POLR2B: variants seen among roughly 807,000 people sequenced by gnomAD.
The protein encoded by POLR2B is RNA polymerase II subunit B.
POLR2B carries 57 observed loss-of-function variants against 144.6 expected under a neutral mutation model. That is an observed-to-expected ratio of 0.39 (90% CI 0.32 to 0.49). The LOEUF (loss-of-function observed/expected upper bound fraction) is 0.49, where lower values mean the gene tolerates loss of function less well. Among genes scored for constraint, POLR2B ranks in the 20% least tolerant of loss-of-function variants. POLR2B has a pLI of 0.83. For missense variants in POLR2B, 595 were observed against 1,467.4 expected (o/e 0.41, Z 9.71); for synonymous variants, 442 against 469.8 (o/e 0.94, Z 0.77).
Position 56,998,604 on chromosome 4 carries a change from C to T in POLR2B, c.736-1013C>T, listed in dbSNP as rs903372667. On this transcript the variant is annotated intron_variant, in intron 6 of 24. Transcript: ENST00000314595. ...AAATGCTGGGCTCAAGCAATCCTCC[C>T]GCCTTGGCCTCCCAAAGTGCCGGGA... Among the ~76,000 whole-genome samples the T allele has an allele frequency of 2.0e-5, 3 of 152,158 alleles. No homozygotes were observed. The East Asian group carries it at 5.8e-4, about 29-fold the overall frequency.
rs770895497 is a variant in POLR2B, at chr4:57,030,973, A to C, written c.3510A>C (p.Arg1170=). ...TTATGTCTATGAGTATTGCACCGCG[A>C]ATGATGAGTGTTTAGCTATTTTACA... The part of the protein sequence containing the change: ...QELMSMSIAP[R]MMSV Residue 1170 remains arginine, a synonymous_variant, in exon 25 of 25, where the codon CGA becomes CGC. Transcript: ENST00000314595. The C allele has an allele frequency of 6.3e-7, 1 of 1,587,706 alleles. No individual in the cohort carries two copies. Among genetic ancestry groups the C allele is most frequent in the East Asian group, 2.2e-5 (1 of 44,754 alleles).
intron 7 of POLR2B, among the ~76,000 whole-genome samples, chr4:57,003,902 T>C (rs1276007151): frequency 6.6e-6 from 1 of 151,812 alleles, no homozygotes; most frequent in Non-Finnish European, 1.5e-5. Context: ...TGGTGTTGTC[T>C]GTACTCCTCC....
chr4:57,010,343 T>C lies in POLR2B; in HGVS notation c.1405-18T>C, dbSNP rs556033124. ...CACAGAAATGTCCAGACTTTAAAGA[T>C]TGGCTATTTTTTTCTAGGTGTTAAA... On this transcript the variant is annotated intron_variant, in intron 10 of 24. Coordinates refer to ENST00000314595, the MANE Select transcript of POLR2B (RefSeq NM_000938.3). 2.5e-6 allele frequency: 4 copies of C among 1,611,480 alleles called. No individual in the cohort carries two copies. The highest frequency in any genetic ancestry group is 3.4e-5 in the Admixed American group (2 of 59,600).
At chr4:57,009,691 A>G (rs1363236436) in intron 10 of POLR2B, 1 of 152,158 alleles carries the variant, frequency 6.6e-6, no homozygotes, top group African/African-American at 2.4e-5. Context: ...TGATTTTGAG[A>G]TTTCCAGATT....
intron 23 of POLR2B, among the ~76,000 whole-genome samples, 188 bp downstream of exon 23, chr4:57,025,725 G>A (rs1007541327): frequency 1.3e-5 from 2 of 152,048 alleles, no homozygotes; most frequent in Admixed American, 1.3e-4. Context: ...TTATCATCAT[G>A]TTTTAAAGGC....
chr4:57,004,814 C>T (rs1169653838), intron 7 of POLR2B, among the ~76,000 whole-genome samples: 5 of 152,064 alleles, frequency 3.3e-5, no homozygotes, highest in South Asian at 2.1e-4. Context: ...CCTCCCAAGT[C>T]GCTGGGACTA....
chr4:56,982,284 G>T (rs1722179395), intron 1 of POLR2B, among the ~76,000 whole-genome samples: 1 of 151,642 alleles, frequency 6.6e-6, no homozygotes. Flanking sequence ...GGGCACATTT[G>T]GCCCTCTGTA....
chr4:57,025,576 T>C, intron 23 of POLR2B, 39 bp downstream of exon 23: 1 of 1,390,194 alleles, frequency 7.2e-7, no homozygotes. Flanking sequence ...TAATTAACCT[T>C]ATATTATGAA....
intron 1 of POLR2B, among the ~76,000 whole-genome samples, chr4:56,983,888 A>G (rs1489365060): frequency 6.8e-6 from 1 of 146,812 alleles, no homozygotes; most frequent in Non-Finnish European, 1.5e-5. Context: ...TTTTTTTTAG[A>G]CAGGGTCGCA....
intron 17 of POLR2B, among the ~76,000 whole-genome samples, chr4:57,021,885 G>A (rs1294874385): frequency 6.6e-6 from 1 of 152,126 alleles, no homozygotes; most frequent in Admixed American, 6.6e-5. Flanking sequence ...TCTTAAATGT[G>A]TCGGAGGTTG....
chr4:57,028,142 A>C (rs1291733150), intron 23 of POLR2B, among the ~76,000 whole-genome samples: 1 of 152,226 alleles, frequency 6.6e-6, no homozygotes, highest in Admixed American at 6.5e-5. Context: ...GGGTGTTAAC[A>C]TGTTGATGAG....
chr4:56,995,533 T>G, intron 6 of POLR2B, 124 bp downstream of exon 6: 1 of 588,816 alleles, frequency 1.7e-6, no homozygotes, highest in South Asian at 4.2e-5. Context: ...ATCGTATTGT[T>G]TACCTATCGC....
At chr4:56,992,492 A>AAAAAAAAAAAAAAAAAG (rs760090936) in intron 3 of POLR2B, among the ~76,000 whole-genome samples, 1 of 88,482 alleles carries the variant, frequency 1.1e-5, no homozygotes, top group African/African-American at 4.6e-5. Context: ...AAAAAAAAAA[A>AAAAAAAAAAAAAAAAAG]GAAAAGAAAA....
At chr4:56,994,084 T>C (rs1722604738) in intron 3 of POLR2B, among the ~76,000 whole-genome samples, 1 of 152,218 alleles carries the variant, frequency 6.6e-6, no homozygotes, top group Non-Finnish European at 1.5e-5. Context: ...GATCCTTCTG[T>C]AGTTGATAAG....
At chr4:57,005,201 A>G (rs1722978446) in intron 7 of POLR2B, 45 bp from the exon 8 acceptor site, 2 of 1,163,224 alleles carry the variant, frequency 1.7e-6, no homozygotes, top group Non-Finnish European at 2.3e-6. Flanking sequence ...ATTTTAAGGT[A>G]GCAACATGAA....
chr4:57,002,678 A>T (rs2109677059), intron 7 of POLR2B: 1 of 152,208 alleles, frequency 6.6e-6, no homozygotes, highest in East Asian at 1.9e-4. Flanking sequence ...TTTGATGTTT[A>T]AACTTGTGGA....
intron 1 of POLR2B, among the ~76,000 whole-genome samples, chr4:56,982,034 T>G (rs1474859549): frequency 6.6e-6 from 1 of 152,234 alleles, no homozygotes; most frequent in African/African-American, 2.4e-5. Context: ...TTTTCTTTCC[T>G]GTTCACATTC....
intron 6 of POLR2B, among the ~76,000 whole-genome samples, chr4:56,996,577 C>T (rs1029044338): frequency 1.3e-5 from 2 of 151,850 alleles, no homozygotes; most frequent in South Asian, 2.1e-4. Flanking sequence ...AGCCACTGTG[C>T]CCGGCCTTCA....
chr4:57,006,225 C>G (rs1480481702), intron 9 of POLR2B, among the ~76,000 whole-genome samples: 2 of 152,130 alleles, frequency 1.3e-5, no homozygotes, highest in Non-Finnish European at 2.9e-5. Context: ...CATTGTCTTG[C>G]ACGTGTTTTG....
Sources: gnomAD v4.1 joint callset for allele counts (sites outside exome capture counted in the v4.1 genomes callset) on GRCh38, gnomAD v4.1.1 for gene constraint, MANE v1.5 for transcripts, NCBI Gene and HGNC (gene_info 2026-07-23, HGNC 2026-07-21) for gene names.